ENDOV: variants seen among roughly 807,000 people sequenced by gnomAD.
ENDOV encodes the protein hEndoV.
ENDOV carries 37 observed loss-of-function variants against 39.4 expected under a neutral mutation model. The observed-to-expected ratio is 0.94, with a 90% CI of 0.72 to 1.23. The LOEUF is 1.23. ENDOV is among the 50% of genes most tolerant of loss of function. The pLI, the probability that ENDOV is intolerant of heterozygous loss-of-function variation, is 0.00. For missense variants in ENDOV, 441 were observed against 375.7 expected, an observed-to-expected ratio of 1.17 and a Z score of -1.44; for synonymous variants, 186 against 163.4, an observed-to-expected ratio of 1.14 and a Z score of -1.05.
At chr17:80,427,042 G>A (rs756485219) in intron 7 of ENDOV, among the ~76,000 whole-genome samples, 4 of 152,240 alleles carry the variant, frequency 2.6e-5, no homozygotes, top group East Asian at 1.9e-4. Flanking sequence ...CTGCTGGCGC[G>A]CAGTGTGGCC....
rs377022460 is a variant in ENDOV at position 80,417,199 on chromosome 17, A to G, written c.228+1378A>G. 11 of 152,230 alleles carry G rather than the reference A, an allele frequency of 7.2e-5. No individual in the cohort carries two copies. The East Asian group carries it at 1.7e-3, about 24-fold the overall frequency. 9.4% of individuals were successfully genotyped at this position (152,230 alleles called of 1,614,324 possible). On this transcript the variant is annotated intron_variant, in intron 2 of 9. Coordinates refer to ENST00000518137, the MANE Select transcript of ENDOV (RefSeq NM_173627.5). ...CGCTGGAGGCTCAGCCCTCACCACT[A>G]TTCTCAGTTCTTCCCACCTCCTACA...
intron 2 of ENDOV, among the ~76,000 whole-genome samples, chr17:80,421,158 G>T (rs925827797): frequency 6.6e-6 from 1 of 150,682 alleles, no homozygotes; most frequent in African/African-American, 2.4e-5. Flanking sequence ...CCTGATCCCA[G>T]GGAATCCTCC....
intron 9 of ENDOV, among the ~76,000 whole-genome samples, chr17:80,431,569 C>G (rs1018385160): frequency 6.6e-6 from 1 of 152,216 alleles, no homozygotes; most frequent in Non-Finnish European, 1.5e-5. Flanking sequence ...CAACGCTGGC[C>G]GGAACCAGAT....
At chr17:80,435,996 C>A in intron 9 of ENDOV, 137 bp from the exon 10 acceptor site, 2 of 927,386 alleles carry the variant, frequency 2.2e-6, no homozygotes, top group Non-Finnish European at 3.3e-6. Context: ...CTCAAGCTTT[C>A]CTCCCACCTC....
At chr17:80,427,665 C>G in intron 7 of ENDOV, 1 of 1,247,974 alleles carries the variant, frequency 8.0e-7, no homozygotes, top group Non-Finnish European at 1.0e-6. Flanking sequence ...CACCTCTCAA[C>G]AGGTTCACCT....
chr17:80,429,902 G>T (rs778205788), intron 9 of ENDOV, 71 bp downstream of exon 9: 5 of 1,611,198 alleles, frequency 3.1e-6, no homozygotes, highest in South Asian at 2.2e-5. Context: ...CCCAGGAGCA[G>T]GCGGGCAAGG....
At chr17:80,429,468 G>T (rs2083138972) in intron 8 of ENDOV, among the ~76,000 whole-genome samples, 1 of 152,174 alleles carries the variant, frequency 6.6e-6, no homozygotes, top group Admixed American at 6.5e-5. Context: ...TTACTGAAGG[G>T]CTGCGGTTCC....
At chr17:80,421,356 C>T (rs1490615390) in intron 2 of ENDOV, among the ~76,000 whole-genome samples, 1 of 147,590 alleles carries the variant, frequency 6.8e-6, no homozygotes, top group Admixed American at 6.7e-5. Flanking sequence ...GGGGGCTCCT[C>T]ATACAGACCA....
chr17:80,427,671 C>G, intron 7 of ENDOV: 1 of 1,254,648 alleles, frequency 8.0e-7, no homozygotes, highest in Non-Finnish European at 1.0e-6. Context: ...TCAACAGGTT[C>G]ACCTCCTGCT....
intron 2 of ENDOV, among the ~76,000 whole-genome samples, chr17:80,420,802 C>T (rs1236548263): frequency 6.6e-6 from 1 of 152,222 alleles, no homozygotes; most frequent in South Asian, 2.1e-4. Flanking sequence ...CTCAGCCTCC[C>T]GAGTAGCTGG....
At chr17:80,415,421 C>G in intron 1 of ENDOV, 171 bp downstream of exon 1, 1 of 1,020,934 alleles carries the variant, frequency 9.8e-7, no homozygotes, top group Non-Finnish European at 1.4e-6. Context: ...GAATTGTAGT[C>G]CGCGGGGTGG....
At chr17:80,433,459 C>G (rs536366145) in intron 9 of ENDOV, among the ~76,000 whole-genome samples, 2 of 152,360 alleles carry the variant, frequency 1.3e-5, no homozygotes, top group African/African-American at 4.8e-5. Flanking sequence ...CCCACCTGAG[C>G]TGGCAGCTCC....
In ENDOV at chr17:80,415,721, CG is replaced by C; in HGVS notation, c.131del (p.Gly44ValfsTer13). The C allele has an allele frequency of 6.2e-7, 1 of 1,609,694 alleles. No individual in the cohort carries two copies. Among genetic ancestry groups the C allele is most frequent in the Non-Finnish European group, 8.5e-7 (1 of 1,178,140 alleles). ...TEAWQRDPAF[S>X]GLQRVGGVDV... Reference sequence around the variant, plus strand: ...GCGTGGCAGCGAGACCCCGCCTTCTCGGGTCTGCAGAGGGTCGGGGGCGTTG... The same window carrying C: ...GCGTGGCAGCGAGACCCCGCCTTCTCGGTCTGCAGAGGGTCGGGGGCGTTG... On this transcript the variant is annotated frameshift_variant, in exon 2 of 10. Coordinates refer to ENST00000518137, the MANE Select transcript of ENDOV (RefSeq NM_173627.5). LOFTEE classifies it high-confidence loss of function.
chr17:80,429,895 A>C, intron 9 of ENDOV, 64 bp downstream of exon 9: 1 of 1,612,046 alleles, frequency 6.2e-7, no homozygotes, highest in Admixed American at 1.7e-5. Flanking sequence ...CCAGGCTCCC[A>C]GGAGCAGGCG....
At chr17:80,427,376 C>T (rs1261616582) in intron 7 of ENDOV, 1 of 975,432 alleles carries the variant, frequency 1.0e-6, no homozygotes, top group Non-Finnish European at 1.2e-6. Flanking sequence ...CCTCAGCGCG[C>T]CCCAGAGTAG....
intron 8 of ENDOV, among the ~76,000 whole-genome samples, chr17:80,429,430 G>C (rs1207632937): frequency 1.3e-5 from 2 of 152,194 alleles, no homozygotes; most frequent in Non-Finnish European, 2.9e-5. Flanking sequence ...CCAGGCCTGG[G>C]ATTCGCCCTG....
chr17:80,420,703 A>G (rs926808450), intron 2 of ENDOV, among the ~76,000 whole-genome samples: 40 of 152,216 alleles, frequency 2.6e-4, no homozygotes, highest in African/African-American at 8.7e-4. Context: ...CAGTGTGACT[A>G]AGGAAAACAC....
At position 80,416,477 on chromosome 17, in the gene ENDOV, T is replaced by G. The variant is rs529269139; in HGVS notation, c.228+656T>G. On this transcript the variant is annotated intron_variant, in intron 2 of 9. Transcript: ENST00000518137. ...CGTCCAGTTGCACACTAGCTCGCTTTTATTCTGCCTCTTAAATGTCGCTGG... is the reference window on the plus strand; with the variant it reads ...CGTCCAGTTGCACACTAGCTCGCTTGTATTCTGCCTCTTAAATGTCGCTGG... Among the ~76,000 whole-genome samples, 151 of 152,228 alleles carry G rather than the reference T, an allele frequency of 9.9e-4. 5 individuals are homozygous for G. In the South Asian group the frequency reaches 0.03, roughly 31 times the overall value.
intron 9 of ENDOV, 154 bp downstream of exon 9, chr17:80,429,985 A>T (rs1253270449): frequency 1.0e-5 from 16 of 1,542,602 alleles, no homozygotes; most frequent in Non-Finnish European, 1.3e-5. Context: ...GCCTCAGGAC[A>T]CTGACCACCC....
Sources: gnomAD v4.1 joint callset for allele counts (sites outside exome capture counted in the v4.1 genomes callset) on GRCh38, gnomAD v4.1.1 for gene constraint, MANE v1.5 for transcripts, NCBI Gene and HGNC (gene_info 2026-07-23, HGNC 2026-07-21) for gene names.